The following SQOR variants were observed in gnomAD, a reference collection of about 807,000 sequenced individuals.
SQOR encodes sulfide quinone oxidoreductase, also known as sulfide:quinone oxidoreductase, mitochondrial.
Under a neutral mutation model 48.6 loss-of-function variants are expected in SQOR, and 39 were observed. The observed-to-expected ratio is 0.80, with a 90% CI of 0.62 to 1.05. The LOEUF is 1.05. Ranked by LOEUF, SQOR falls within the 50% of genes least tolerant of loss-of-function variation. The pLI is 0.00. For missense variants in SQOR, 561 were observed against 559.9 expected, an observed-to-expected ratio of 1.00 and a Z score of -0.02; for synonymous variants, 220 against 206.2, an observed-to-expected ratio of 1.07 and a Z score of -0.57.
At chr15:45,678,660 A>G (rs1890076608) in intron 6 of SQOR, among the ~76,000 whole-genome samples, 1 of 151,998 alleles carries the variant, frequency 6.6e-6, no homozygotes, top group South Asian at 2.1e-4. Context: ...GCTCCTGTGT[A>G]GTTATGCACA....
chr15:45,685,032 A>G (rs1890196810), intron 7 of SQOR, among the ~76,000 whole-genome samples: 1 of 152,132 alleles, frequency 6.6e-6, no homozygotes, highest in Admixed American at 6.5e-5. Flanking sequence ...TTTTTATTCA[A>G]ACAGTACCAT....
chr15:45,657,107 C>CA (rs34748034), intron 1 of SQOR, among the ~76,000 whole-genome samples: 100,930 of 151,940 alleles, frequency 0.66, 33,612 homozygotes, highest in Admixed American at 0.74. Flanking sequence ...CACGCCTGGT[C>CA]TATATATTGT....
intron 9 of SQOR, 200 bp downstream of exon 9, chr15:45,689,417 C>CTTTTTTT: frequency 3.9e-6 from 1 of 254,854 alleles, no homozygotes; most frequent in Non-Finnish European, 7.3e-6. Flanking sequence ...TGCTACCTTA[C>CTTTTTTT]TTTTTTTTTT....
intron 1 of SQOR, among the ~76,000 whole-genome samples, chr15:45,638,704 G>A (rs1156696555): frequency 2.0e-5 from 3 of 150,860 alleles, no homozygotes; most frequent in East Asian, 1.9e-4. Flanking sequence ...TCTAGCCTGC[G>A]CAACAGAGCA....
At chr15:45,644,817 G>A (rs1895175913) in intron 1 of SQOR, among the ~76,000 whole-genome samples, 1 of 152,182 alleles carries the variant, frequency 6.6e-6, no homozygotes, top group Admixed American at 6.5e-5. Flanking sequence ...TCTGATGCCT[G>A]GCCCTGGAAT....
intron 1 of SQOR, among the ~76,000 whole-genome samples, chr15:45,650,892 T>G (rs1889471718): frequency 6.6e-6 from 1 of 152,214 alleles, no homozygotes; most frequent in Non-Finnish European, 1.5e-5. Context: ...TTACAAACCT[T>G]GAACTAGACG....
chr15:45,667,468 G>C (rs748564565), intron 3 of SQOR, among the ~76,000 whole-genome samples: 1 of 152,022 alleles, frequency 6.6e-6, no homozygotes, highest in Non-Finnish European at 1.5e-5. Flanking sequence ...TTCTGGCAAG[G>C]TCTACACTGT....
chr15:45,677,956 C>T (rs1212309804), intron 6 of SQOR, among the ~76,000 whole-genome samples: 2 of 152,180 alleles, frequency 1.3e-5, no homozygotes, highest in Non-Finnish European at 2.9e-5. Flanking sequence ...CATCCACCTG[C>T]TCGGCCTCCT....
rs56364627 is a variant in SQOR at position 45,659,215 on chromosome 15, T to A, written c.234+58T>A. ...GTGTACGTGTGTGTGTGTGTGAGTG[T>A]GTGTGTGTGTGTGTTCTGGGGTTGG... is the stretch of plus-strand genomic sequence containing the variant. On this transcript the variant is annotated intron_variant, in intron 2 of 9. Transcript: ENST00000260324. The A allele has an allele frequency of 0.12, 141,635 of 1,180,564 alleles. 10,130 individuals carry two copies. The highest frequency in any genetic ancestry group is 0.45 in the East Asian group (14,597 of 32,332). The allele number at this position is 1,180,564 out of a possible 1,614,324, so 73.1% of individuals were successfully genotyped here.
At position 45,669,985 on chromosome 15, in the gene SQOR, C is replaced by T. The variant is rs1889909919; in HGVS notation, c.459+4C>T. 4.3e-6 allele frequency: 7 copies of T among 1,613,714 alleles called. No homozygotes were observed. Among genetic ancestry groups the T allele is most frequent in the Non-Finnish European group, 5.9e-6 (7 of 1,179,692 alleles). On this transcript the variant is annotated splice_donor_region_variant and intron_variant, in intron 4 of 9. Coordinates refer to ENST00000260324, the MANE Select transcript of SQOR (RefSeq NM_021199.4). ...AATCCAGCTGGACTATGAGAAGGTA[C>T]CGTGTGAAACTGTTTCTGTGTTACG...
rs575175566 is a variant in SQOR, at chr15:45,677,197, CCTT to C, written c.864+891_864+893del. ...TGATTTCTTCCTTCCTTCCTTCCTT[CCTT>C]CTTTCCTTTCTTTCTTTCTCTCTTT... is the stretch of plus-strand genomic sequence containing the variant. On this transcript the variant is annotated intron_variant, in intron 6 of 9. Transcript: ENST00000260324. Among the ~76,000 whole-genome samples the C allele has an allele frequency of 1.8e-3, 268 of 152,208 alleles. 1 individual carries two copies. Among genetic ancestry groups the C allele is most frequent in the African/African-American group, 6.1e-3 (252 of 41,522 alleles).
At chr15:45,678,839 CT>C (rs1890079033) in intron 6 of SQOR, among the ~76,000 whole-genome samples, 1 of 152,138 alleles carries the variant, frequency 6.6e-6, no homozygotes, top group African/African-American at 2.4e-5. Context: ...TAAATTGCTG[CT>C]CCTCAAATGG....
intron 1 of SQOR, among the ~76,000 whole-genome samples, chr15:45,649,597 A>T (rs1382360432): frequency 6.6e-6 from 1 of 152,036 alleles, no homozygotes; most frequent in Non-Finnish European, 1.5e-5. Flanking sequence ...CTCCTGCCTC[A>T]GCCTCCTGAG....
At chr15:45,632,380 C>T (rs1468131811), upstream of SQOR, among the ~76,000 whole-genome samples, 3 of 151,888 alleles carry the variant, frequency 2.0e-5, no homozygotes, top group Admixed American at 6.6e-5. Flanking sequence ...CCACAATGCC[C>T]GGCTAATTTT....
In SQOR at chr15:45,672,105, T is replaced by C. The variant is rs77483148; in HGVS notation, c.460-1502T>C. 2.6e-3 allele frequency among the ~76,000 whole-genome samples: 403 copies of C among 152,258 alleles called. 1 individual carries two copies. The highest frequency in any genetic ancestry group is 9.5e-3 in the African/African-American group (395 of 41,550). ...TAAAACTAGAGAAAACTAATGAAGG[T>C]GATAAGACATCAACTGCTTGTTTCT... On this transcript the variant is annotated intron_variant, in intron 4 of 9. Coordinates refer to ENST00000260324, the MANE Select transcript of SQOR (RefSeq NM_021199.4).
intron 1 of SQOR, among the ~76,000 whole-genome samples, chr15:45,653,216 T>G (rs1208790031): frequency 6.6e-6 from 1 of 152,146 alleles, no homozygotes; most frequent in Admixed American, 6.6e-5. Flanking sequence ...AGTTTAAAGC[T>G]CAGTCCCACA....
At chr15:45,649,755 T>G (rs1566915306) in intron 1 of SQOR, among the ~76,000 whole-genome samples, 1 of 152,190 alleles carries the variant, frequency 6.6e-6, no homozygotes, top group Non-Finnish European at 1.5e-5. Flanking sequence ...AGTGCTGGAA[T>G]TACAGGCGTG....
chr15:45,685,888 G>A (rs1467558146), intron 7 of SQOR, among the ~76,000 whole-genome samples: 3 of 152,104 alleles, frequency 2.0e-5, no homozygotes, highest in Non-Finnish European at 4.4e-5. Flanking sequence ...GCCCAGGGTG[G>A]AGTGTAGTAG....
intron 1 of SQOR, among the ~76,000 whole-genome samples, chr15:45,656,961 C>T (rs659938): frequency 0.66 from 99,889 of 151,362 alleles, 33,071 homozygotes; most frequent in Admixed American, 0.74. Context: ...CACACCACCA[C>T]GCCTGGCTAA....
Sources: allele counts gnomAD v4.1 joint callset (sites outside exome capture counted in the v4.1 genomes callset), GRCh38; gene constraint gnomAD v4.1.1; transcripts MANE v1.5; gene names NCBI Gene and HGNC (gene_info 2026-07-23, HGNC 2026-07-21).